Variants in EFHC2 observed in about 807,000 individuals in gnomAD.
EFHC2 encodes the protein EF-hand domain-containing family member C2.
EFHC2 carries 18 observed loss-of-function variants against 52.7 expected under a neutral mutation model. The ratio of observed to expected loss-of-function variants is 0.34; its 90% CI spans 0.24 to 0.51. EFHC2 has a LOEUF of 0.51. Among genes scored for constraint, EFHC2 ranks in the 20% least tolerant of loss-of-function variants. The pLI, the probability that EFHC2 is intolerant of heterozygous loss-of-function variation, is 0.97. For missense variants in EFHC2, 513 were observed against 562.5 expected (o/e 0.91, Z 0.89); for synonymous variants, 203 against 204.1 (o/e 0.99, Z 0.04).
At chrX:44,213,982 T>A (rs1410529981) in intron 11 of EFHC2, among the ~76,000 whole-genome samples, 1 of 111,320 alleles carries the variant, frequency 9.0e-6, no homozygotes, top group Non-Finnish European at 1.9e-5. Flanking sequence ...TGGACATGGA[T>A]GAGAATCTCA....
At chrX:44,204,712 C>T (rs1326217752) in intron 11 of EFHC2, among the ~76,000 whole-genome samples, 1 of 111,454 alleles carries the variant, frequency 9.0e-6, no homozygotes, top group East Asian at 2.8e-4. Flanking sequence ...TGAATAAAAC[C>T]TTTGAGAAAT....
chrX:44,174,648 A>G (rs1186005926), intron 13 of EFHC2, among the ~76,000 whole-genome samples: 1 of 90,350 alleles, frequency 1.1e-5, no homozygotes, highest in Admixed American at 1.1e-4. Context: ...GGCCAAAAAA[A>G]AAAGGGGGGG....
At chrX:44,199,161 C>T (rs953148786) in intron 11 of EFHC2, among the ~76,000 whole-genome samples, 8 of 112,801 alleles carry the variant, frequency 7.1e-5, no homozygotes, top group African/African-American at 2.6e-4. Context: ...AATGGCTCAG[C>T]GCCATCCCCT....
chrX:44,336,758 C>G (rs1307563296), intron 1 of EFHC2, among the ~76,000 whole-genome samples: 1 of 111,874 alleles, frequency 8.9e-6, no homozygotes, highest in East Asian at 2.8e-4. Flanking sequence ...TCAAGCTTGA[C>G]CCGGAATTAT....
At chrX:44,310,268 C>A in intron 2 of EFHC2, 1 of 1,015,177 alleles carries the variant, frequency 9.9e-7, no homozygotes. Context: ...TCAGCAGCGG[C>A]TCATCCTCCA....
chrX:44,334,775 A>G (rs891767522), intron 1 of EFHC2, among the ~76,000 whole-genome samples: 1 of 111,997 alleles, frequency 8.9e-6, no homozygotes, highest in African/African-American at 3.2e-5. Context: ...CACCTGGCCT[A>G]TTTGTCTTTT....
intron 2 of EFHC2, among the ~76,000 whole-genome samples, chrX:44,294,249 C>CGTGTGTGTGT (rs200162737): frequency 3.4e-4 from 30 of 87,497 alleles, no homozygotes; most frequent in African/African-American, 5.3e-4. Flanking sequence ...GTATACTCAA[C>CGTGTGTGTGT]GTGTGTGTGT....
At chrX:44,182,307 T>A (rs1216475242) in intron 11 of EFHC2, among the ~76,000 whole-genome samples, 1 of 112,804 alleles carries the variant, frequency 8.9e-6, no homozygotes, top group Non-Finnish European at 1.9e-5. Flanking sequence ...TTGTTCATTA[T>A]ATGAATGTGC....
At chrX:44,259,013 C>T (rs1602182199) in intron 4 of EFHC2, among the ~76,000 whole-genome samples, 1 of 110,972 alleles carries the variant, frequency 9.0e-6, no homozygotes. Context: ...GATCTAGAAC[C>T]AGAAATACCA....
chrX:44,202,552 G>A (rs1185358902), intron 11 of EFHC2, among the ~76,000 whole-genome samples: 1 of 112,007 alleles, frequency 8.9e-6, no homozygotes, highest in African/African-American at 3.3e-5. Context: ...TTATATTTAT[G>A]GATGAGAAGT....
At chrX:44,168,221 C>T (rs750479867) in intron 13 of EFHC2, among the ~76,000 whole-genome samples, 2 of 111,782 alleles carry the variant, frequency 1.8e-5, no homozygotes, top group East Asian at 2.8e-4. Flanking sequence ...ACTGAAAACA[C>T]GGATTGTTTG....
intron 13 of EFHC2, among the ~76,000 whole-genome samples, chrX:44,175,534 C>A (rs1169187009): frequency 8.9e-6 from 1 of 111,771 alleles, no homozygotes; most frequent in African/African-American, 3.3e-5. Context: ...TGACTTTGGG[C>A]AAAATACCTC....
intron 1 of EFHC2, among the ~76,000 whole-genome samples, chrX:44,315,319 T>G (rs2037976812): frequency 9.1e-6 from 1 of 110,358 alleles, no homozygotes; most frequent in South Asian, 3.8e-4. Context: ...TTTAATAAAT[T>G]ACCCAGCCTC....
chrX:44,205,648 G>C (rs1187537284), intron 11 of EFHC2, among the ~76,000 whole-genome samples: 2 of 111,443 alleles, frequency 1.8e-5, no homozygotes, highest in Non-Finnish European at 3.8e-5. Context: ...ACTATATAAT[G>C]ATGAGGCGTT....
At chrX:44,177,793 A>C (rs1215550374) in intron 12 of EFHC2, among the ~76,000 whole-genome samples, 1 of 110,831 alleles carries the variant, frequency 9.0e-6, no homozygotes, top group Non-Finnish European at 1.9e-5. Flanking sequence ...ACGACATCTC[A>C]GAATTAACCC....
chrX:44,186,211 G>A (rs903542748), intron 11 of EFHC2, among the ~76,000 whole-genome samples: 1 of 112,177 alleles, frequency 8.9e-6, no homozygotes, highest in African/African-American at 3.2e-5. Flanking sequence ...AGTAATTGCT[G>A]TATACCATTA....
At chrX:44,308,407 C>G (rs2147379459) in intron 2 of EFHC2, among the ~76,000 whole-genome samples, 1 of 107,928 alleles carries the variant, frequency 9.3e-6, no homozygotes, top group Non-Finnish European at 1.9e-5. Context: ...GAGACATATT[C>G]TTGTATTAAA....
intron 2 of EFHC2, among the ~76,000 whole-genome samples, chrX:44,293,749 C>G (rs1006618590): frequency 2.7e-5 from 3 of 111,663 alleles, no homozygotes; most frequent in African/African-American, 9.8e-5. Context: ...AGTGGTCACT[C>G]CAACACCATA....
At chrX:44,218,492 G>A (rs1386255185) in intron 11 of EFHC2, among the ~76,000 whole-genome samples, 1 of 111,541 alleles carries the variant, frequency 9.0e-6, no homozygotes, top group African/African-American at 3.3e-5. Flanking sequence ...TATAAAATAT[G>A]CTGGCCCATA....
Sources: allele counts gnomAD v4.1 joint callset (sites outside exome capture counted in the v4.1 genomes callset), GRCh38; gene constraint gnomAD v4.1.1; transcripts MANE v1.5; gene names NCBI Gene and HGNC (gene_info 2026-07-23, HGNC 2026-07-21).